POM121: variants seen among roughly 807,000 people sequenced by gnomAD.
POM121 encodes POM121 transmembrane nucleoporin.
A neutral mutation model predicts 81.3 loss-of-function variants in POM121; 32 were observed. The ratio of observed to expected loss-of-function variants is 0.39; its 90% CI spans 0.30 to 0.53. The LOEUF (loss-of-function observed/expected upper bound fraction) is 0.53, where lower values mean the gene tolerates loss of function less well. POM121 is among the 20% of genes least tolerant of loss of function. The pLI is 0.66. For missense variants in POM121, 1,138 were observed against 1,614.6 expected (o/e 0.70, Z 5.06); for synonymous variants, 514 against 694.2 (o/e 0.74, Z 4.08).
chr7:72,919,984 T>C (rs1247750054), intron 4 of POM121, among the ~76,000 whole-genome samples: 5 of 152,214 alleles, frequency 3.3e-5, no homozygotes, highest in South Asian at 2.1e-4. Flanking sequence ...ATCTATATCA[T>C]TGGTTTTGAG....
intron 1 of POM121, among the ~76,000 whole-genome samples, chr7:72,885,067 G>A (rs1790575381): frequency 6.6e-6 from 1 of 152,194 alleles, no homozygotes; most frequent in African/African-American, 2.4e-5. Context: ...GTTTAATACG[G>A]ATTTGTTCCG....
In POM121 at chr7:72,928,446, C is replaced by T. The variant is rs782717773; in HGVS notation, c.1084C>T (p.Pro362Ser). The change falls in exon 4 of 13, where the codon CCC (proline) becomes TCC (serine). Residue 362 changes from proline to serine, a missense_variant. Physicochemically the swap from Pro to Ser is moderately conservative, Grantham distance 74. This residue lies in a region of POM121 where 646 missense variants were observed against 633.5 expected (regional missense o/e 1.02). Transcript: ENST00000434423. ...TGAGCCCCTGGTGGCCAATGGAGTC[C>T]CCGCTTCTTTTGTGCCTAAGTAAGT... ...AFEPLVANGV[P>S]ASFVPKPGSL... is the part of the protein sequence containing the mutation. 5.0e-6 allele frequency: 8 copies of T among 1,614,164 alleles called. No homozygotes were observed. In the East Asian group the frequency reaches 1.8e-4, roughly 36 times the overall value.
chr7:72,941,009 G>T lies in POM121; in HGVS notation c.1843+16G>T. 6.2e-7 allele frequency: 1 copy of T among 1,608,010 alleles called. No homozygotes were observed. Among genetic ancestry groups the T allele is most frequent in the Non-Finnish European group, 8.5e-7 (1 of 1,178,794 alleles). ...CCCTGCCCAGGTGAGCTGGAGTGGG[G>T]CCGTGGATCCAGCCTTCTGAGCAGC... On this transcript the variant is annotated intron_variant, in intron 10 of 12. Transcript: ENST00000434423.
rs782675230 is a variant in POM121 at position 72,943,430 on chromosome 7, G to A, written c.3437G>A (p.Gly1146Asp). Residue 1146 changes from glycine (G) to aspartate (D), a missense_variant, in exon 11 of 13, where the codon GGC becomes GAC. Gly to Asp is a moderately conservative substitution (Grantham distance 94). Transcript: ENST00000434423. Reference protein sequence around the residue: ...STATSTPFAGGLGQNALGTTG... With the variant: ...STATSTPFAGDLGQNALGTTG... ...GCCACCTCCACCCCCTTCGCAGGGG[G>A]CTTAGGTCAGAACGCCCTGGGCACC... 6.2e-7 allele frequency: 1 copy of A among 1,612,936 alleles called. No individual in the cohort carries two copies. The highest frequency in any genetic ancestry group is 1.1e-5 in the South Asian group (1 of 90,906).
chr7:72,894,626 GGAGAGAGAGAGAGAGAGAGAGAGAGAGA>G (rs71071923), intron 3 of POM121, among the ~76,000 whole-genome samples: 2 of 23,324 alleles, frequency 8.6e-5, no homozygotes, highest in Admixed American at 1.1e-3. Context: ...GAGAGAGAGA[GGAGAGAGAGAGAGAGAGAGAGAGAGAGA>G]GAGAGAGAGA....
intron 5 of POM121, among the ~76,000 whole-genome samples, chr7:72,936,716 T>C (rs1796546711): frequency 6.6e-6 from 1 of 152,202 alleles, no homozygotes; most frequent in Non-Finnish European, 1.5e-5. Context: ...CTGGCCCCTT[T>C]GGCATTTCTG....
chr7:72,942,180 G>A lies in POM121; in HGVS notation c.2187G>A (p.Lys729=). Residue 729 remains lysine (K), a synonymous_variant, in exon 11 of 13, where the codon AAG becomes AAA. Coordinates refer to ENST00000434423, the MANE Select transcript of POM121 (RefSeq NM_001387691.1). ...CATCTTCAGCACCTCCCATGTTCAA[G>A]CCCATTTTCACGGCTCCACCCAAGA... The part of the protein sequence containing the change: ...PAASSAPPMF[K]PIFTAPPKSE... The A allele has an allele frequency of 1.9e-6, 3 of 1,610,094 alleles. No homozygotes were observed. Among genetic ancestry groups the A allele is most frequent in the Non-Finnish European group, 2.5e-6 (3 of 1,179,864 alleles).
intron 1 of POM121, among the ~76,000 whole-genome samples, chr7:72,890,280 G>C (rs1791173945): frequency 2.6e-5 from 4 of 152,164 alleles, no homozygotes; most frequent in African/African-American, 7.2e-5. Flanking sequence ...CAGCAAAGAA[G>C]ACTAAAAGAA....
At chr7:72,910,940 T>G (rs1250004221) in intron 3 of POM121, among the ~76,000 whole-genome samples, 1 of 152,148 alleles carries the variant, frequency 6.6e-6, no homozygotes, top group Non-Finnish European at 1.5e-5. Flanking sequence ...CTTCTCTACC[T>G]TTCCAGAATT....
At chr7:72,899,753 C>G (rs1157982078) in intron 3 of POM121, among the ~76,000 whole-genome samples, 22 of 151,640 alleles carry the variant, frequency 1.5e-4, no homozygotes, top group Admixed American at 2.6e-4. Context: ...TAATTTTTTT[C>G]TATTTTTAGT....
At chr7:72,923,405 A>T (rs1200206104), upstream of POM121, among the ~76,000 whole-genome samples, 1 of 150,648 alleles carries the variant, frequency 6.6e-6, no homozygotes, top group African/African-American at 2.4e-5. Context: ...TTCCCTGTCT[A>T]CCTTCCCCTT....
At chr7:72,924,906 A>C, upstream of POM121, 1 of 751,394 alleles carries the variant, frequency 1.3e-6, no homozygotes, top group Non-Finnish European at 1.9e-6. Flanking sequence ...TCGCCTCCGG[A>C]TGGATGTGGC....
chr7:72,899,569 T>C, intron 3 of POM121, among the ~76,000 whole-genome samples: 1 of 150,328 alleles, frequency 6.7e-6, no homozygotes, highest in African/African-American at 2.5e-5. Flanking sequence ...GCCTGCTTGA[T>C]ATTACATTTT....
intron 3 of POM121, among the ~76,000 whole-genome samples, chr7:72,900,555 AGTG>A (rs2129575534): frequency 6.6e-6 from 1 of 152,136 alleles, no homozygotes; most frequent in South Asian, 2.1e-4. Flanking sequence ...CCCAGGCTGG[AGTG>A]CAGTGGCGCA....
Position 72,943,018 on chromosome 7 carries a change from C to T in POM121, c.3025C>T (p.Pro1009Ser), listed in dbSNP as rs782070076. ...NSAAPAAAPTPAPPSMIKVVP... is the reference protein window; with the variant it reads ...NSAAPAAAPTSAPPSMIKVVP... ...TGCAGCCCCGGCTGCTGCACCCACACCTGCACCTCCGTCCATGATCAAGGT... is the reference window on the plus strand; with the variant it reads ...TGCAGCCCCGGCTGCTGCACCCACATCTGCACCTCCGTCCATGATCAAGGT... Residue 1009 changes from proline (P) to serine (S), a missense_variant, in exon 11 of 13, where the codon CCT (proline) becomes TCT (serine). By Grantham distance (74) the Pro-to-Ser change is moderately conservative (BLOSUM62 -1). Transcript: ENST00000434423. 2 of 1,613,846 alleles carry T rather than the reference C, an allele frequency of 1.2e-6. No individual in the cohort carries two copies. The highest frequency in any genetic ancestry group is 3.3e-5 in the Admixed American group (2 of 60,000).
intron 1 of POM121, among the ~76,000 whole-genome samples, chr7:72,888,549 C>A (rs1790963609): frequency 6.7e-6 from 1 of 149,282 alleles, no homozygotes; most frequent in Non-Finnish European, 1.5e-5. Context: ...TAATTGTTTT[C>A]TCTTCTCTAA....
chr7:72,945,618 C>T lies in POM121; in HGVS notation c.3562C>T (p.Pro1188Ser), dbSNP rs1797609722. ...TATPTFGLNT[P>S]APGVGTSGSS... is the part of the protein sequence containing the mutation. ...CACCCCCACCTTTGGTCTGAACACC[C>T]CTGCGCCTGGAGTGGGCACATCAGG... is the stretch of plus-strand genomic sequence containing the variant. Residue 1188 changes from proline (P) to serine (S), a missense_variant, in exon 12 of 13, where the codon CCT becomes TCT. Pro to Ser is a moderately conservative substitution (Grantham distance 74). Around this residue, in one of 7 missense-constraint regions of POM121, gnomAD observed 336 missense variants for 344.3 expected, o/e 0.98. Coordinates refer to ENST00000434423, the MANE Select transcript of POM121 (RefSeq NM_001387691.1). 2 of 1,613,462 alleles carry T rather than the reference C, an allele frequency of 1.2e-6. No individual in the cohort carries two copies. The highest frequency in any genetic ancestry group is 1.1e-5 in the South Asian group (1 of 91,050).
At chr7:72,928,535 T>C in intron 4 of POM121, 70 bp downstream of exon 4, 9 of 1,538,868 alleles carry the variant, frequency 5.8e-6, no homozygotes, top group Non-Finnish European at 8.0e-6. Context: ...TGTTGCCCTA[T>C]AGATTTTCCT....
rs782474876 is a variant in POM121, at chr7:72,943,492, A to C, written c.3499A>C (p.Ser1167Arg). ...QSTPFAFNVSSTTESKPVFGG... is the reference protein window; with the variant it reads ...QSTPFAFNVSRTTESKPVFGG... ...CACACCGTTTGCCTTCAACGTGAGC[A>C]GCACAACTGAGAGCAAACCTGTGTT... The change falls in exon 11 of 13, where the codon AGC becomes CGC. Residue 1167 changes from serine to arginine, a missense_variant. Around this residue, in one of 7 missense-constraint regions of POM121, gnomAD observed 336 missense variants for 344.3 expected, o/e 0.98. Coordinates refer to ENST00000434423, the MANE Select transcript of POM121 (RefSeq NM_001387691.1). The C allele has an allele frequency of 3.7e-6, 6 of 1,612,400 alleles. No individual in the cohort carries two copies. Among genetic ancestry groups the C allele is most frequent in the Non-Finnish European group, 5.1e-6 (6 of 1,179,870 alleles).
Sources: gnomAD v4.1 joint callset for allele counts (sites outside exome capture counted in the v4.1 genomes callset) on GRCh38, gnomAD v4.1.1 for gene constraint, gnomAD v4.1.1 regional missense constraint, MANE v1.5 for transcripts, NCBI Gene and HGNC (gene_info 2026-07-23, HGNC 2026-07-21) for gene names.